Variants in MDH1B observed in about 807,000 individuals in gnomAD.
The protein encoded by MDH1B is putative malate dehydrogenase 1B.
A neutral mutation model predicts 61.4 loss-of-function variants in MDH1B; 60 were observed. The observed-to-expected ratio is 0.98, with a 90% confidence interval of 0.79 to 1.21. MDH1B has a LOEUF of 1.21. Among genes scored for constraint, MDH1B ranks in the 50% most tolerant of loss-of-function variants. The probability of loss-of-function intolerance (pLI) is 0.00; values close to 1 mark genes in which losing one functional copy is unlikely to be tolerated. For synonymous variants in MDH1B, 236 were observed against 218.7 expected (o/e 1.08, Z -0.70); for missense variants, 587 against 632.1 (o/e 0.93, Z 0.76).
intron 5 of MDH1B, among the ~76,000 whole-genome samples, chr2:206,753,395 G>C (rs557650070): frequency 6.6e-6 from 1 of 152,074 alleles, no homozygotes; most frequent in East Asian, 1.9e-4. Flanking sequence ...TGATCCTCCC[G>C]CCTCAGCCTC....
intron 9 of MDH1B, 101 bp downstream of exon 9, chr2:206,745,521 T>C: frequency 1.1e-6 from 1 of 901,452 alleles, no homozygotes; most frequent in Non-Finnish European, 1.7e-6. Flanking sequence ...AATGACAAAA[T>C]ATAAATGAGA....
At chr2:206,743,294 C>G (rs1687920866) in intron 9 of MDH1B, among the ~76,000 whole-genome samples, 2 of 152,198 alleles carry the variant, frequency 1.3e-5, no homozygotes, top group South Asian at 4.1e-4. Context: ...TTTTATCTGA[C>G]ACACCAGTAG....
At chr2:206,749,330 G>T in intron 6 of MDH1B, 147 bp from the exon 7 acceptor site, 1 of 658,594 alleles carries the variant, frequency 1.5e-6, no homozygotes. Flanking sequence ...CTTTCCTCAA[G>T]TGTCTTTGAT....
intron 5 of MDH1B, among the ~76,000 whole-genome samples, chr2:206,754,106 CCGG>C (rs1688613435): frequency 6.6e-6 from 1 of 152,138 alleles, no homozygotes; most frequent in African/African-American, 2.4e-5. Context: ...TGCAAGAATA[CCGG>C]AAATTATTAT....
At position 206,745,690 on chromosome 2, in the gene MDH1B, A is replaced by G; in HGVS notation, c.1357-17T>C. 6.3e-7 allele frequency: 1 copy of G among 1,576,568 alleles called. No homozygotes were observed. Among genetic ancestry groups the G allele is most frequent in the African/African-American group, 1.4e-5 (1 of 73,850 alleles). ...AAGTTTCTCCTGTTGAAATTTTATA[A>G]TCACAGAATTAAATGACCACAATTC... On this transcript the variant is annotated splice_polypyrimidine_tract_variant and intron_variant, in intron 8 of 11. Coordinates refer to ENST00000374412, the MANE Select transcript of MDH1B (RefSeq NM_001039845.3).
chr2:206,762,465 G>A (rs1321379156), intron 1 of MDH1B, among the ~76,000 whole-genome samples: 1 of 152,012 alleles, frequency 6.6e-6, no homozygotes, highest in Admixed American at 6.6e-5. Context: ...TGCCTTCATA[G>A]GAACCTTGCT....
chr2:206,757,008 A>G lies in MDH1B; in HGVS notation c.303T>C (p.Thr101=). 1 of 1,613,934 alleles carries G rather than the reference A, an allele frequency of 6.2e-7. No homozygotes were observed. The highest frequency in any genetic ancestry group is 1.7e-5 in the Admixed American group (1 of 60,016). ...CTTGAGCAATTACCATCATCAGTTC[A>G]GTCGTCATGCTAGAGGTGACATCAT... ...LYYDVTSSMT[T]ELMMVIAQEN... is the part of the protein sequence containing the mutation. Residue 101 remains threonine, a synonymous_variant, in exon 4 of 12, where the codon ACT becomes ACC. Coordinates refer to ENST00000374412, the MANE Select transcript of MDH1B (RefSeq NM_001039845.3).
chr2:206,749,113 T>C lies in MDH1B; in HGVS notation c.1123A>G (p.Ile375Val). The C allele has an allele frequency of 6.2e-7, 1 of 1,614,142 alleles. No individual in the cohort carries two copies. The highest frequency in any genetic ancestry group is 8.5e-7 in the Non-Finnish European group (1 of 1,179,984). Residue 375 changes from isoleucine to valine, a missense_variant, in exon 7 of 12, where the codon ATT becomes GTT. Ile to Val is a conservative substitution (Grantham distance 29, BLOSUM62 3). Coordinates refer to ENST00000374412, the MANE Select transcript of MDH1B (RefSeq NM_001039845.3). ...GTGGCTATACTGTGTGCAGCCAAAA[T>C]GCCTCCAAATTGTCTTCCTGTGGTG... The part of the protein sequence containing the change: ...LTTTGRQFGG[I>V]LAAHSIATTL...
intron 2 of MDH1B, among the ~76,000 whole-genome samples, chr2:206,759,860 G>A (rs1393122923): frequency 1.3e-5 from 2 of 152,206 alleles, no homozygotes; most frequent in East Asian, 3.8e-4. Context: ...CCCAGCAGAT[G>A]AGATAACTTA....
At chr2:206,753,799 T>C (rs1027065567) in intron 5 of MDH1B, among the ~76,000 whole-genome samples, 1 of 152,130 alleles carries the variant, frequency 6.6e-6, no homozygotes, top group African/African-American at 2.4e-5. Context: ...TTGAGTAGAG[T>C]GGAGCTTAGA....
Position 206,755,169 on chromosome 2 carries a change from A to G in MDH1B, c.750T>C (p.Ser250=), listed in dbSNP as rs1347612020. 1 of 1,614,206 alleles carries G rather than the reference A, an allele frequency of 6.2e-7. No homozygotes were observed. The highest frequency in any genetic ancestry group is 8.5e-7 in the Non-Finnish European group (1 of 1,180,042). ...GYLIEKNAHE[S]VRVIVGGRTF... The stretch of plus-strand genomic sequence containing the variant: ...TTCTCCCTCCCACGATGACTCTGAC[A>G]GACTCATGAGCATTTTTCTCTATCA... The change falls in exon 5 of 12, where the codon TCT becomes TCC. Residue 250 remains serine, a synonymous_variant. Transcript: ENST00000374412.
At chr2:206,739,915 C>T (rs1295011870) in intron 10 of MDH1B, among the ~76,000 whole-genome samples, 3 of 152,190 alleles carry the variant, frequency 2.0e-5, no homozygotes, top group Non-Finnish European at 2.9e-5. Context: ...TTTCTACCAA[C>T]ATCCCTATGA....
intron 10 of MDH1B, among the ~76,000 whole-genome samples, 154 bp from the exon 11 acceptor site, chr2:206,739,815 T>C (rs556555094): frequency 6.6e-6 from 1 of 152,344 alleles, no homozygotes; most frequent in African/African-American, 2.4e-5. Flanking sequence ...CACTGTTATA[T>C]AAAGTCTCAA....
chr2:206,757,319 G>C lies in MDH1B; in HGVS notation c.188C>G (p.Pro63Arg), dbSNP rs762133296. 5 of 1,613,890 alleles carry C rather than the reference G, an allele frequency of 3.1e-6. No homozygotes were observed. In the Middle Eastern group the frequency reaches 4.9e-4, roughly 160 times the overall value. ...ATCCAACAGCTCTCTCCAGATGATA[G>C]GGGAATTCTTGTGACTCCACTTATT... is the stretch of plus-strand genomic sequence containing the variant. ...EKNKWSHKNS[P>R]IIWRELLDRG... Residue 63 changes from proline to arginine, a missense_variant, in exon 3 of 12, where the codon CCT (proline) becomes CGT (arginine). By Grantham distance (103) the Pro-to-Arg change is moderately radical. Coordinates refer to ENST00000374412, the MANE Select transcript of MDH1B (RefSeq NM_001039845.3).
chr2:206,747,019 A>C (rs556095486), intron 7 of MDH1B, among the ~76,000 whole-genome samples: 1 of 152,314 alleles, frequency 6.6e-6, no homozygotes, highest in African/African-American at 2.4e-5. Flanking sequence ...TTATATTTGG[A>C]TGTGCTCTAA....
At chr2:206,761,982 T>C (rs16838832) in intron 1 of MDH1B, among the ~76,000 whole-genome samples, 2,488 of 152,260 alleles carry the variant, frequency 0.016, 73 homozygotes, top group African/African-American at 0.057. Flanking sequence ...AAGCCCCTTA[T>C]CCTGGATGAA....
intron 6 of MDH1B, 129 bp from the exon 7 acceptor site, chr2:206,749,312 T>C (rs2105930604): frequency 2.8e-6 from 2 of 718,052 alleles, no homozygotes; most frequent in Non-Finnish European, 4.4e-6. Flanking sequence ...CAGCTTTATT[T>C]CTAGTGTCTT....
At chr2:206,763,749 G>A (rs992463532) in intron 1 of MDH1B, among the ~76,000 whole-genome samples, 10 of 152,138 alleles carry the variant, frequency 6.6e-5, no homozygotes, top group Middle Eastern at 3.4e-3. Context: ...CACCAAACTA[G>A]TTCTCCTTGC....
At chr2:206,746,580 G>T (rs1688124917) in intron 7 of MDH1B, among the ~76,000 whole-genome samples, 154 bp from the exon 8 acceptor site, 1 of 152,216 alleles carries the variant, frequency 6.6e-6, no homozygotes, top group African/African-American at 2.4e-5. Flanking sequence ...AAAGAGGACT[G>T]AAACACTCCC....
Sources: gnomAD v4.1 joint callset for allele counts (sites outside exome capture counted in the v4.1 genomes callset) on GRCh38, gnomAD v4.1.1 for gene constraint, MANE v1.5 for transcripts, NCBI Gene and HGNC (gene_info 2026-07-23, HGNC 2026-07-21) for gene names.